COL6A3: variants seen among roughly 807,000 people sequenced by gnomAD.
The protein encoded by COL6A3 is collagen alpha-3(VI) chain.
COL6A3 carries 137 observed loss-of-function variants against 274.1 expected under a neutral mutation model. That is an observed-to-expected ratio of 0.50 (90% confidence interval 0.44 to 0.58). The LOEUF is 0.58. COL6A3 is among the 20% of genes least tolerant of loss of function. The pLI, the probability that COL6A3 is intolerant of heterozygous loss-of-function variation, is 0.00. For synonymous variants in COL6A3, 1,650 were observed against 1,650.6 expected, an observed-to-expected ratio of 1.00 and a Z score of 0.01; for missense variants, 3,950 against 4,124.9, an observed-to-expected ratio of 0.96 and a Z score of 1.16.
chr2:237,383,773 TC>T (rs2078072137), intron 4 of COL6A3, among the ~76,000 whole-genome samples: 1 of 152,018 alleles, frequency 6.6e-6, no homozygotes, highest in Non-Finnish European at 1.5e-5. Flanking sequence ...ATAAATATCA[TC>T]CCCTACCCTC....
rs149386939 is a variant in COL6A3, at chr2:237,351,192, C to T, written c.6754G>A (p.Gly2252Arg). The change falls in exon 27 of 44, where the codon GGA becomes AGA. Residue 2252 changes from glycine (G) to arginine (R), a missense_variant and splice_region_variant. By Grantham distance (125) the Gly-to-Arg change is moderately radical. Around this residue, in one of 5 missense-constraint regions of COL6A3, gnomAD observed 1,284 missense variants for 1,349.7 expected, o/e 0.95. Coordinates refer to ENST00000295550, the MANE Select transcript of COL6A3 (RefSeq NM_004369.4). Reference protein sequence around the residue: ...IGEQGISGPRGSGGAAGAPGE... With the variant: ...IGEQGISGPRRSGGAAGAPGE... ...GGAGCACCAGCGGCACCTCCGCTTCCCTGGAGCAGGAGGGGAGGAATGTGT... is the reference window on the plus strand; with the variant it reads ...GGAGCACCAGCGGCACCTCCGCTTCTCTGGAGCAGGAGGGGAGGAATGTGT... The T allele has an allele frequency of 1.2e-6, 2 of 1,614,180 alleles. No individual in the cohort carries two copies. Among genetic ancestry groups the T allele is most frequent in the African/African-American group, 1.3e-5 (1 of 75,054 alleles).
At position 237,387,726 on chromosome 2, in the gene COL6A3, G is replaced by A. The variant is rs2078182278; in HGVS notation, c.1168C>T (p.Gln390Ter). Residue 390 changes from glutamine to a stop codon, truncating the protein, a stop_gained, in exon 4 of 44, where the codon CAG (glutamine) becomes TAG (stop). Coordinates refer to ENST00000295550, the MANE Select transcript of COL6A3 (RefSeq NM_004369.4). LOFTEE classifies it high-confidence loss of function. ...GAQAASRAELQHIATDDNLVF... is the reference protein window; with the variant it reads ...GAQAASRAEL ...AAGTTGTCATCGGTAGCTATGTGCT[G>A]AAGCTCTGCCCTGGAGGCGGCCTGG... 6.2e-7 allele frequency: 1 copy of A among 1,614,062 alleles called. No individual in the cohort carries two copies. Among genetic ancestry groups the A allele is most frequent in the East Asian group, 2.2e-5 (1 of 44,870 alleles).
chr2:237,368,941 G>A lies in COL6A3; in HGVS notation c.4522C>T (p.Leu1508Phe). 1 of 1,614,216 alleles carries A rather than the reference G, an allele frequency of 6.2e-7. No homozygotes were observed. The highest frequency in any genetic ancestry group is 8.5e-7 in the Non-Finnish European group (1 of 1,180,030). ...GTGTTCAGTGGGGACCCCCCTCTGA[G>A]CCTCAGGCGCCGTATGGCGTCCAGC... is the stretch of plus-strand genomic sequence containing the variant. ...PVLDAIRRLR[L>F]RGGSPLNTGK... Residue 1508 changes from leucine to phenylalanine, a missense_variant, in exon 10 of 44, where the codon CTC becomes TTC. Physicochemically the swap from Leu to Phe is conservative, Grantham distance 22. This residue lies in a region of COL6A3 where 1,934 missense variants were observed against 1,984.3 expected (regional missense o/e 0.97). Coordinates refer to ENST00000295550, the MANE Select transcript of COL6A3 (RefSeq NM_004369.4). This position sits in a 1 kb window ranked among gnomAD's most constrained non-coding sequence, Gnocchi z 4.4.
At chr2:237,353,955 A>C (rs748562365) in intron 24 of COL6A3, among the ~76,000 whole-genome samples, 11 of 152,164 alleles carry the variant, frequency 7.2e-5, no homozygotes, top group Non-Finnish European at 1.3e-4. Flanking sequence ...CAAGCTGGGA[A>C]CTGCATCAGA....
rs549011189 is a variant in COL6A3, at chr2:237,339,218, T to C, written c.8465-101A>G. On this transcript the variant is annotated intron_variant, in intron 38 of 43. Coordinates refer to ENST00000295550, the MANE Select transcript of COL6A3 (RefSeq NM_004369.4). ...TTAAATGAATCACATAACATTTATT[T>C]AGCCCATAATTATTGTTGAATTAAC... 545 of 848,246 alleles carry C rather than the reference T, an allele frequency of 6.4e-4. 1 individual carries two copies. Among genetic ancestry groups the C allele is most frequent in the Middle Eastern group, 9.8e-4 (3 of 3,048 alleles). 52.5% of individuals were successfully genotyped at this position (848,246 alleles called of 1,614,324 possible).
Position 237,350,213 on chromosome 2 carries a change from G to C in COL6A3, c.6817-4C>G. 6.2e-7 allele frequency: 1 copy of C among 1,614,064 alleles called. No individual in the cohort carries two copies. Among genetic ancestry groups the C allele is most frequent in the Non-Finnish European group, 8.5e-7 (1 of 1,179,946 alleles). On this transcript the variant is annotated splice_region_variant and splice_polypyrimidine_tract_variant and intron_variant, in intron 27 of 43. Coordinates refer to ENST00000295550, the MANE Select transcript of COL6A3 (RefSeq NM_004369.4). Reference sequence around the variant, plus strand: ...GTCCTGGCTCTCCGGGCTCACCCTAGACATGAGAAACATGGCTGAGACCCT... The same window carrying C: ...GTCCTGGCTCTCCGGGCTCACCCTACACATGAGAAACATGGCTGAGACCCT...
rs1176487064 is a variant in COL6A3 at position 237,371,886 on chromosome 2, C to G, written c.4131G>C (p.Glu1377Asp). 8 of 1,613,876 alleles carry G rather than the reference C, an allele frequency of 5.0e-6. No individual in the cohort carries two copies. The highest frequency in any genetic ancestry group is 4.4e-5 in the South Asian group (4 of 91,056). ...CGGGGCTCAGCGAGATCTTCACCAG[C>G]TCCTCCTGGTCTGCGTTCCTGGCGA... ...FTIARNADQE[E>D]LVKISLSPEY... The change falls in exon 9 of 44, where the codon GAG becomes GAC. Residue 1377 changes from glutamate (E) to aspartate (D), a missense_variant. Physicochemically the swap from Glu to Asp is conservative, Grantham distance 45 (BLOSUM62 2). This residue lies in a region of COL6A3 where 1,934 missense variants were observed against 1,984.3 expected (regional missense o/e 0.97). Transcript: ENST00000295550. The surrounding 1 kb of genome is among the most constrained non-coding windows in gnomAD (Gnocchi z 4.3).
chr2:237,394,555 G>T, intron 3 of COL6A3, 32 bp downstream of exon 3: 1 of 1,613,076 alleles, frequency 6.2e-7, no homozygotes, highest in Non-Finnish European at 8.5e-7. Flanking sequence ...AGAACAGCAG[G>T]GCAGGGCGTA....
At chr2:237,402,145 A>G (rs1159931368) in intron 1 of COL6A3, among the ~76,000 whole-genome samples, 1 of 152,136 alleles carries the variant, frequency 6.6e-6, no homozygotes, top group African/African-American at 2.4e-5. Flanking sequence ...ATTACTTTAT[A>G]ATTCCATTTA....
rs372028656 is a variant in COL6A3, at chr2:237,363,319, C to T, written c.5997G>A (p.Gly1999=). 6 of 1,614,128 alleles carry T rather than the reference C, an allele frequency of 3.7e-6. No individual in the cohort carries two copies. The highest frequency in any genetic ancestry group is 5.1e-6 in the Non-Finnish European group (6 of 1,180,038). ...GCCTCAGGGGCCTGTCATACATAAA[C>T]CCTCGCCCAAACTCCAGATGCATTA... ...ERLMHLEFGR[G]FMYDRPLRLN... Residue 1999 remains glycine, a synonymous_variant, in exon 14 of 44, where the codon GGG becomes GGA. Coordinates refer to ENST00000295550, the MANE Select transcript of COL6A3 (RefSeq NM_004369.4).
Position 237,364,793 on chromosome 2 carries a change from TTG to T in COL6A3, c.5839-367_5839-366del, listed in dbSNP as rs2077512206. Among the ~76,000 whole-genome samples the T allele has an allele frequency of 1.3e-5, 2 of 150,766 alleles. No homozygotes were observed. The highest frequency in any genetic ancestry group is 6.6e-5 in the Admixed American group (1 of 15,116). On this transcript the variant is annotated intron_variant, in intron 12 of 43. Coordinates refer to ENST00000295550, the MANE Select transcript of COL6A3 (RefSeq NM_004369.4). This position sits in a 1 kb window ranked among gnomAD's most constrained non-coding sequence, Gnocchi z 4.6. ...GTACATATGTGTGTGTATGGGTGCA[TTG>T]TGTGTGCATGTGTGTGCACGTGTGT...
At position 237,364,662 on chromosome 2, in the gene COL6A3, T is replaced by TA. The variant is rs2077508168; in HGVS notation, c.5839-235dup. On this transcript the variant is annotated intron_variant, in intron 12 of 43. Coordinates refer to ENST00000295550, the MANE Select transcript of COL6A3 (RefSeq NM_004369.4). The surrounding 1 kb of genome is among the most constrained non-coding windows in gnomAD (Gnocchi z 4.6). ...TAAAAAAGACAAGCAGCAATGACAA[T>TA]AAAAACAATTTTTATCTCATTCTCA... Among the ~76,000 whole-genome samples the TA allele has an allele frequency of 6.6e-6, 1 of 152,202 alleles. No homozygotes were observed. Among genetic ancestry groups the TA allele is most frequent in the African/African-American group, 2.4e-5 (1 of 41,458 alleles).
rs113418871 is a variant in COL6A3, at chr2:237,361,825, T to C, written c.6070A>G (p.Ile2024Val). 1.9e-6 allele frequency: 3 copies of C among 1,614,106 alleles called. No homozygotes were observed. In the Admixed American group the frequency reaches 5.0e-5, roughly 27 times the overall value. The change falls in exon 15 of 44, where the codon ATT (isoleucine) becomes GTT (valine). Residue 2024 changes from isoleucine to valine, a missense_variant. Transcript: ENST00000295550. The surrounding 1 kb of genome is among the most constrained non-coding windows in gnomAD (Gnocchi z 5.1). ...ACCCCACAGCAAGCTTTCTCGGCAATGTTGTCCTACCGAAAGGAAGAGAAA... is the reference window on the plus strand; with the variant it reads ...ACCCCACAGCAAGCTTTCTCGGCAACGTTGTCCTACCGAAAGGAAGAGAAA... Reference protein sequence around the residue: ...DYELAEQLDNIAEKACCGVPC... With the variant: ...DYELAEQLDNVAEKACCGVPC...
chr2:237,353,306 T>G, intron 25 of COL6A3, 35 bp downstream of exon 25: 1 of 1,599,788 alleles, frequency 6.3e-7, no homozygotes, highest in Non-Finnish European at 8.6e-7. Flanking sequence ...TTGTGAAATA[T>G]CAGAGGGCAC....
intron 42 of COL6A3, 180 bp downstream of exon 42, chr2:237,333,270 C>A: frequency 3.0e-6 from 2 of 662,714 alleles, no homozygotes; most frequent in South Asian, 3.4e-5. Context: ...TAAAGTAAGA[C>A]TCCATTTACA....
chr2:237,358,401 C>T (rs1463975768), intron 21 of COL6A3, 120 bp downstream of exon 21: 3 of 866,324 alleles, frequency 3.5e-6, no homozygotes. Flanking sequence ...AGACAAAGCA[C>T]ATATTTTATC....
At position 237,336,540 on chromosome 2, in the gene COL6A3, G is replaced by A. The variant is rs1700562843; in HGVS notation, c.8568-8C>T. ...ACGTTATTCGGAACATTTCTGTTAAGACAAATTAAATATTACCTCTACTTT... is the reference window on the plus strand; with the variant it reads ...ACGTTATTCGGAACATTTCTGTTAAAACAAATTAAATATTACCTCTACTTT... On this transcript the variant is annotated splice_polypyrimidine_tract_variant and splice_region_variant and intron_variant, in intron 39 of 43. Transcript: ENST00000295550. The A allele has an allele frequency of 6.2e-7, 1 of 1,613,642 alleles. No homozygotes were observed. Among genetic ancestry groups the A allele is most frequent in the African/African-American group, 1.3e-5 (1 of 74,916 alleles).
At chr2:237,389,679 T>A (rs1334001696) in intron 3 of COL6A3, among the ~76,000 whole-genome samples, 2 of 152,214 alleles carry the variant, frequency 1.3e-5, no homozygotes, top group Non-Finnish European at 2.9e-5. Context: ...GGTTCGGAAC[T>A]GCCCTCTTCC....
At chr2:237,325,763 A>G in intron 42 of COL6A3, 39 bp from the exon 43 acceptor site, 1 of 1,581,442 alleles carries the variant, frequency 6.3e-7, no homozygotes. Flanking sequence ...TAATGAGAAC[A>G]TGCGTGTTAC....
Sources: gnomAD v4.1 joint callset for allele counts (sites outside exome capture counted in the v4.1 genomes callset) on GRCh38, gnomAD v4.1.1 for gene constraint, gnomAD v4.1.1 regional missense constraint, Gnocchi (gnomAD v3.1) non-coding constraint, MANE v1.5 for transcripts, NCBI Gene and HGNC (gene_info 2026-07-23, HGNC 2026-07-21) for gene names.